Variants in SCARA5 observed in about 807,000 individuals in gnomAD.
SCARA5 encodes the protein scavenger receptor class A, member 5 (putative).
A neutral mutation model predicts 46.3 loss-of-function variants in SCARA5; 45 were observed. That is an observed-to-expected ratio of 0.97 (90% CI 0.76 to 1.24). SCARA5 has a LOEUF of 1.24. Among genes scored for constraint, SCARA5 ranks in the 50% most tolerant of loss-of-function variants. The probability of loss-of-function intolerance (pLI) is 0.00; values close to 1 mark genes in which losing one functional copy is unlikely to be tolerated. For missense variants in SCARA5, 680 were observed against 689.0 expected, an observed-to-expected ratio of 0.99 and a Z score of 0.15; for synonymous variants, 333 against 306.5, an observed-to-expected ratio of 1.09 and a Z score of -0.90.
intron 3 of SCARA5, among the ~76,000 whole-genome samples, chr8:27,953,859 T>A (rs1044218630): frequency 3.9e-5 from 6 of 152,114 alleles, no homozygotes; most frequent in East Asian, 1.9e-4. Context: ...TTTTTTTTTT[T>A]AAATTGGCAG....
intron 3 of SCARA5, among the ~76,000 whole-genome samples, chr8:27,964,170 C>G (rs185622218): frequency 2.0e-5 from 3 of 152,290 alleles, no homozygotes; most frequent in African/African-American, 7.2e-5. Context: ...TAAAGAACCT[C>G]AGACTTGTCC....
chr8:27,920,710 G>A (rs1051775124), intron 4 of SCARA5, among the ~76,000 whole-genome samples: 3 of 152,036 alleles, frequency 2.0e-5, no homozygotes, highest in Non-Finnish European at 4.4e-5. Flanking sequence ...TACTTGGAAG[G>A]CTAAGGCAGG....
At chr8:27,988,507 A>C (rs1181402918) in intron 1 of SCARA5, among the ~76,000 whole-genome samples, 1 of 152,244 alleles carries the variant, frequency 6.6e-6, no homozygotes, top group Admixed American at 6.5e-5. Context: ...GTAAGACGCT[A>C]TGATGGCTCC....
intron 2 of SCARA5, among the ~76,000 whole-genome samples, chr8:27,968,340 T>C (rs966788488): frequency 2.0e-5 from 3 of 152,260 alleles, no homozygotes; most frequent in Non-Finnish European, 4.4e-5. Flanking sequence ...TGTCAATGAC[T>C]ATTCTCACTC....
chr8:27,881,181 T>A (rs1458703985), intron 7 of SCARA5, among the ~76,000 whole-genome samples: 19 of 152,182 alleles, frequency 1.2e-4, no homozygotes, highest in Admixed American at 1.2e-3. Flanking sequence ...GACACAGCAA[T>A]CCCATTGCTG....
At chr8:27,952,628 C>T (rs1343089603) in intron 3 of SCARA5, among the ~76,000 whole-genome samples, 1 of 152,226 alleles carries the variant, frequency 6.6e-6, no homozygotes, top group Non-Finnish European at 1.5e-5. Context: ...ATGAAAAATC[C>T]TATCATTCCC....
At chr8:27,965,317 C>T (rs1264344430) in intron 3 of SCARA5, among the ~76,000 whole-genome samples, 9 of 152,212 alleles carry the variant, frequency 5.9e-5, no homozygotes, top group Non-Finnish European at 1.0e-4. Context: ...AGGGCTGGAC[C>T]TCCAGATTCC....
chr8:27,954,963 A>G (rs959994387), intron 3 of SCARA5, among the ~76,000 whole-genome samples: 3 of 152,196 alleles, frequency 2.0e-5, no homozygotes, highest in Non-Finnish European at 4.4e-5. Flanking sequence ...GTTTTTGACA[A>G]CAAGCAGGAG....
intron 2 of SCARA5, among the ~76,000 whole-genome samples, chr8:27,984,871 CCATT>C (rs776204926): frequency 3.3e-5 from 5 of 152,122 alleles, no homozygotes; most frequent in African/African-American, 1.2e-4. Flanking sequence ...ATCCATCCAT[CCATT>C]CATTCATTTA....
At chr8:27,987,303 A>C (rs1808719132) in intron 2 of SCARA5, among the ~76,000 whole-genome samples, 1 of 152,240 alleles carries the variant, frequency 6.6e-6, no homozygotes, top group Admixed American at 6.5e-5. Flanking sequence ...ATGAGTACTC[A>C]TCTTGCTGAC....
At chr8:27,965,362 T>C (rs546837514) in intron 3 of SCARA5, among the ~76,000 whole-genome samples, 1 of 152,330 alleles carries the variant, frequency 6.6e-6, no homozygotes, top group African/African-American at 2.4e-5. Context: ...CCTCCCTCAG[T>C]GCTCCAAGTC....
chr8:27,938,446 A>T (rs374830149), intron 3 of SCARA5, among the ~76,000 whole-genome samples: 3 of 152,160 alleles, frequency 2.0e-5, no homozygotes, highest in African/African-American at 7.2e-5. Flanking sequence ...GCCCTCAAAG[A>T]CTCACTAATC....
At chr8:27,903,944 G>A (rs1184440079) in intron 7 of SCARA5, among the ~76,000 whole-genome samples, 13 of 152,060 alleles carry the variant, frequency 8.5e-5, no homozygotes, top group Admixed American at 8.5e-4. Flanking sequence ...TGCTGGGTTT[G>A]GTGTTTTTTC....
chr8:27,965,783 C>G (rs1184136924), intron 3 of SCARA5, among the ~76,000 whole-genome samples: 1 of 152,250 alleles, frequency 6.6e-6, no homozygotes, highest in Non-Finnish European at 1.5e-5. Flanking sequence ...GCTTCACCAT[C>G]TGTCTTCATA....
intron 7 of SCARA5, among the ~76,000 whole-genome samples, chr8:27,882,795 T>A (rs1806831925): frequency 6.6e-6 from 1 of 152,162 alleles, no homozygotes; most frequent in South Asian, 2.1e-4. Flanking sequence ...AAGTGCCAGG[T>A]GCTTCCTGAT....
Position 27,952,625 on chromosome 8 carries a change from A to C in SCARA5, c.241+13789T>G, listed in dbSNP as rs1808146149. On this transcript the variant is annotated intron_variant, in intron 3 of 8. Coordinates refer to ENST00000354914, the MANE Select transcript of SCARA5 (RefSeq NM_173833.6). ...ATGCAGAGAGGCAGAATAATGAAAA[A>C]TCCTATCATTCCCTGCAAATTGGTG... Among the ~76,000 whole-genome samples, 3 of 152,200 alleles carry C rather than the reference A, an allele frequency of 2.0e-5. No individual in the cohort carries two copies. In the South Asian group the frequency reaches 6.2e-4, roughly 31 times the overall value.
At chr8:27,929,382 A>G (rs933008271) in intron 3 of SCARA5, among the ~76,000 whole-genome samples, 2 of 152,158 alleles carry the variant, frequency 1.3e-5, no homozygotes, top group Non-Finnish European at 2.9e-5. Context: ...AGGTGTCCCT[A>G]CAGTGCCAGC....
At chr8:27,904,278 A>C in intron 7 of SCARA5, 1 of 163,570 alleles carries the variant, frequency 6.1e-6, no homozygotes. Flanking sequence ...CAAGGTCAGT[A>C]GCTGAATTTG....
At chr8:27,913,870 A>C (rs1184504614) in intron 4 of SCARA5, among the ~76,000 whole-genome samples, 1 of 151,960 alleles carries the variant, frequency 6.6e-6, no homozygotes, top group Non-Finnish European at 1.5e-5. Flanking sequence ...ACTTTCCTCC[A>C]CCTCTGCACA....
Sources: allele counts gnomAD v4.1 joint callset (sites outside exome capture counted in the v4.1 genomes callset), GRCh38; gene constraint gnomAD v4.1.1; transcripts MANE v1.5; gene names NCBI Gene and HGNC (gene_info 2026-07-23, HGNC 2026-07-21).